Variants in IRAG2 observed in about 807,000 individuals in gnomAD.
IRAG2 encodes the protein lymphoid restricted membrane protein.
Under a neutral mutation model 69.9 loss-of-function variants are expected in IRAG2, and 45 were observed. That is an observed-to-expected ratio of 0.64 (90% CI 0.51 to 0.83). The LOEUF (loss-of-function observed/expected upper bound fraction) is 0.83, where lower values mean the gene tolerates loss of function less well. Ranked by LOEUF, IRAG2 falls within the 40% of genes least tolerant of loss-of-function variation. IRAG2 has a pLI of 0.00. For missense variants in IRAG2, 520 were observed against 587.0 expected (o/e 0.89, Z 1.18); for synonymous variants, 193 against 202.4 (o/e 0.95, Z 0.40).
At chr12:25,102,501 G>T in intron 17 of IRAG2, 1 of 447,968 alleles carries the variant, frequency 2.2e-6, no homozygotes, top group Admixed American at 4.0e-5. Context: ...TGGGTAACCC[G>T]ACAATGGCAC....
At chr12:25,048,584 A>G (rs1944816768), upstream of IRAG2, among the ~76,000 whole-genome samples, 1 of 152,224 alleles carries the variant, frequency 6.6e-6, no homozygotes, top group Non-Finnish European at 1.5e-5. Flanking sequence ...GGTGTGAGCC[A>G]CTGAGCCTGG....
At chr12:25,086,062 A>G (rs943343542) in intron 10 of IRAG2, among the ~76,000 whole-genome samples, 4 of 152,182 alleles carry the variant, frequency 2.6e-5, no homozygotes, top group African/African-American at 9.7e-5. Flanking sequence ...ATCTTCTGAG[A>G]GAATAAAATT....
intron 16 of IRAG2, among the ~76,000 whole-genome samples, chr12:25,046,996 CAGAAG>C (rs774580734): frequency 1.3e-5 from 2 of 152,054 alleles, no homozygotes; most frequent in Non-Finnish European, 2.9e-5. Flanking sequence ...ACCAATGAAA[CAGAAG>C]AGAGAGCCTA....
chr12:25,002,516 G>A (rs1253287740), upstream of IRAG2, among the ~76,000 whole-genome samples: 1 of 152,186 alleles, frequency 6.6e-6, no homozygotes, highest in Non-Finnish European at 1.5e-5. Context: ...CAAAATGTGT[G>A]TTACAATTAT....
chr12:25,017,258 G>C, exon 6 of IRAG2: 2 of 1,232,150 alleles, frequency 1.6e-6, no homozygotes, highest in Non-Finnish European at 2.0e-6. Context: ...CCAGTTATCA[G>C]AGGACTGTAC....
At position 25,052,840 on chromosome 12, in the gene IRAG2, C is replaced by T. The variant is rs1284674444; in HGVS notation, c.-563C>T. On this transcript the variant is annotated 5_prime_UTR_variant, in exon 1 of 22. It adds an upstream start codon to the 5' untranslated region. Coordinates refer to ENST00000556887, the MANE Select transcript of IRAG2 (RefSeq NM_001366544.2). Reference sequence around the variant, plus strand: ...GCCCACACTGCCAGTGAAAAAGCTACGTCTTTACTGCATAAATTAGAGGAA... The same window carrying T: ...GCCCACACTGCCAGTGAAAAAGCTATGTCTTTACTGCATAAATTAGAGGAA... The T allele has an allele frequency of 2.8e-5, 11 of 398,486 alleles. No homozygotes were observed. The highest frequency in any genetic ancestry group is 1.3e-4 in the Admixed American group (3 of 22,702). 24.7% of individuals were successfully genotyped at this position (398,486 alleles called of 1,614,324 possible).
rs904611298 is a variant in IRAG2, at chr12:25,066,353, G to A, written c.-206-12G>A. On this transcript the variant is annotated splice_polypyrimidine_tract_variant and intron_variant, in intron 4 of 21. Coordinates refer to ENST00000556887, the MANE Select transcript of IRAG2 (RefSeq NM_001366544.2). The stretch of plus-strand genomic sequence containing the variant: ...TTGGTCTCTATTTTTATTTTTTTCT[G>A]TTCTACTGCAGATGCCTTATCTCTG... 7 of 400,698 alleles carry A rather than the reference G, an allele frequency of 1.7e-5. No homozygotes were observed. The highest frequency in any genetic ancestry group is 3.1e-5 in the Non-Finnish European group (7 of 226,122). The allele number at this position is 400,698 out of a possible 1,614,324, so 24.8% of individuals were successfully genotyped here.
At chr12:25,030,088 T>G (rs1309624681) in intron 9 of IRAG2, among the ~76,000 whole-genome samples, 2 of 152,162 alleles carry the variant, frequency 1.3e-5, no homozygotes, top group African/African-American at 2.4e-5. Flanking sequence ...GTGTGGAGTT[T>G]GGTTTCCTCA....
chr12:25,024,958 C>T (rs374789898), intron 8 of IRAG2, among the ~76,000 whole-genome samples: 9 of 152,254 alleles, frequency 5.9e-5, no homozygotes, highest in East Asian at 5.8e-4. Flanking sequence ...CATTAGAAAA[C>T]GAATATAAGT....
At chr12:25,077,698 T>G (rs1946924607) in intron 6 of IRAG2, among the ~76,000 whole-genome samples, 1 of 152,106 alleles carries the variant, frequency 6.6e-6, no homozygotes, top group South Asian at 2.1e-4. Context: ...CCCTTGTCCC[T>G]GTTCCTAGCA....
chr12:25,103,815 T>G, intron 17 of IRAG2, 22 bp from the exon 18 acceptor site: 1 of 1,567,032 alleles, frequency 6.4e-7, no homozygotes, highest in Non-Finnish European at 8.8e-7. Flanking sequence ...TTTCTAAATG[T>G]ACATTTTCCT....
Position 25,006,740 on chromosome 12 carries a change from GA to G in IRAG2, c.688+1391del, listed in dbSNP as rs1255964311. ...CTACTTGAGCAGGGAGGCATGGGCT[GA>G]AAAACTACCAGTCACATATTATGCT... On this transcript the variant is annotated intron_variant, in intron 2 of 38. Coordinates refer to the IRAG2 transcript ENST00000636465. Among the ~76,000 whole-genome samples, 3 of 152,162 alleles carry G rather than the reference GA, an allele frequency of 2.0e-5. No homozygotes were observed. In the East Asian group the frequency reaches 5.8e-4, roughly 29 times the overall value.
chr12:25,054,312 C>G lies in IRAG2; in HGVS notation c.-447+1356C>G, dbSNP rs575948907. On this transcript the variant is annotated intron_variant, in intron 1 of 21. Transcript: ENST00000556887. Reference sequence around the variant, plus strand: ...TCATGTTGAGACATGAATCATAAGGCATTCCAAAGTTGGTTTAAGGTGTGT... The same window carrying G: ...TCATGTTGAGACATGAATCATAAGGGATTCCAAAGTTGGTTTAAGGTGTGT... Among the ~76,000 whole-genome samples the G allele has an allele frequency of 2.3e-3, 351 of 152,298 alleles. 2 individuals carry two copies. Among genetic ancestry groups the G allele is most frequent in the African/African-American group, 7.9e-3 (329 of 41,552 alleles).
intron 5 of IRAG2, among the ~76,000 whole-genome samples, chr12:25,067,763 G>A (rs1016211226): frequency 6.6e-6 from 1 of 151,988 alleles, no homozygotes; most frequent in African/African-American, 2.4e-5. Flanking sequence ...GACTTCCTGG[G>A]CTCAGGTGAT....
chr12:25,034,410 T>G (rs1944690112), intron 13 of IRAG2, among the ~76,000 whole-genome samples: 1 of 152,238 alleles, frequency 6.6e-6, no homozygotes, highest in Non-Finnish European at 1.5e-5. Context: ...CATTGATTAT[T>G]ACATTCTGAA....
chr12:25,046,315 C>T (rs1011926550), intron 16 of IRAG2, among the ~76,000 whole-genome samples: 7 of 152,096 alleles, frequency 4.6e-5, no homozygotes, highest in Middle Eastern at 3.4e-3. Flanking sequence ...CAAGGATGCT[C>T]ACTCTCACCA....
chr12:25,059,471 C>T (rs765122506), intron 1 of IRAG2, among the ~76,000 whole-genome samples: 2 of 152,114 alleles, frequency 1.3e-5, no homozygotes, highest in Non-Finnish European at 2.9e-5. Context: ...CCTGCCTCAG[C>T]CTCCTGAGTA....
At chr12:25,088,916 A>G (rs1035539684) in intron 11 of IRAG2, among the ~76,000 whole-genome samples, 4 of 150,768 alleles carry the variant, frequency 2.7e-5, no homozygotes, top group Admixed American at 6.6e-5. Flanking sequence ...TTATAAAAAA[A>G]TCAATCTTAT....
chr12:25,006,870 G>GA (rs141336595), intron 2 of IRAG2, among the ~76,000 whole-genome samples: 7,661 of 150,598 alleles, frequency 0.051, 626 homozygotes, highest in African/African-American at 0.17. Context: ...AAAGTTGAGA[G>GA]AAAAAAAAAT....
Sources: gnomAD v4.1 joint callset for allele counts (sites outside exome capture counted in the v4.1 genomes callset) on GRCh38, gnomAD v4.1.1 for gene constraint, MANE v1.5 for transcripts, NCBI Gene and HGNC (gene_info 2026-07-23, HGNC 2026-07-21) for gene names.